The following CYP3A5 variants were observed in gnomAD, a reference collection of about 807,000 sequenced individuals.
CYP3A5 encodes cytochrome P450 family 3 subfamily A member 5.
CYP3A5 carries 51 observed loss-of-function variants against 55.9 expected under a neutral mutation model. The ratio of observed to expected loss-of-function variants is 0.91; its 90% CI spans 0.73 to 1.15. The LOEUF is 1.15. Ranked by LOEUF, CYP3A5 falls within the 50% of genes most tolerant of loss-of-function variation. The pLI, the probability that CYP3A5 is intolerant of heterozygous loss-of-function variation, is 0.00. For missense variants in CYP3A5, 533 were observed against 596.6 expected (o/e 0.89, Z 1.11); for synonymous variants, 196 against 213.9 (o/e 0.92, Z 0.73).
rs55817950 is a variant in CYP3A5 at position 99,676,198 on chromosome 7, G to A, written c.82C>T (p.Arg28Cys). ...AGTCTCTTAAAAAGTCCATGTGTAC[G>A]GGTCCCATATCTACAAAGTGAAACA... ...SLVLLYLYGT[R>C]THGLFKRLGI... The change falls in exon 2 of 13, where the codon CGT becomes TGT. Residue 28 changes from arginine to cysteine, a missense_variant. Physicochemically the swap from Arg to Cys is radical, Grantham distance 180 (BLOSUM62 -3). Transcript: ENST00000222982. The A allele has an allele frequency of 2.4e-5, 39 of 1,613,610 alleles. No individual in the cohort carries two copies. The highest frequency in any genetic ancestry group is 1.3e-4 in the African/African-American group (10 of 75,016).
chr7:99,670,468 A>T (rs1019388596), intron 4 of CYP3A5, among the ~76,000 whole-genome samples: 1 of 152,236 alleles, frequency 6.6e-6, no homozygotes, highest in South Asian at 2.1e-4. Flanking sequence ...AATTTGATAC[A>T]GGAATTTGAA....
At chr7:99,648,912 A>G (rs1294535116) in intron 12 of CYP3A5, among the ~76,000 whole-genome samples, 1 of 152,144 alleles carries the variant, frequency 6.6e-6, no homozygotes, top group Non-Finnish European at 1.5e-5. Flanking sequence ...ATGTCTTCAG[A>G]AAGAATTATT....
At chr7:99,672,511 G>T in intron 4 of CYP3A5, 69 bp downstream of exon 4, 1 of 1,368,012 alleles carries the variant, frequency 7.3e-7, no homozygotes, top group Non-Finnish European at 1.0e-6. Flanking sequence ...GTGAATATAT[G>T]TTTTTTTCAA....
intron 12 of CYP3A5, 104 bp from the exon 13 acceptor site, chr7:99,648,504 T>G: frequency 1.9e-6 from 1 of 513,626 alleles, no homozygotes; most frequent in African/African-American, 2.0e-5. Context: ...TGCAAGCATA[T>G]AAAAACGACT....
At chr7:99,669,334 A>G (rs1403010911) in intron 4 of CYP3A5, among the ~76,000 whole-genome samples, 1 of 152,216 alleles carries the variant, frequency 6.6e-6, no homozygotes, top group Non-Finnish European at 1.5e-5. Context: ...AAATAGCAGA[A>G]CTGAAAAAAA....
Position 99,652,721 on chromosome 7 carries a change from T to C in CYP3A5, c.1085A>G (p.Glu362Gly), listed in dbSNP as rs1245832664. ...QMEYLDMVVN[E>G]TLRLFPVAIR... Reference sequence around the variant, plus strand: ...AGCAACTGGGAATAATCTGAGTGTTTCATTCACCACCATGTCAAGGTACTC... The same window carrying C: ...AGCAACTGGGAATAATCTGAGTGTTCCATTCACCACCATGTCAAGGTACTC... The change falls in exon 11 of 13, where the codon GAA becomes GGA. Residue 362 changes from glutamate (E) to glycine (G), a missense_variant. Transcript: ENST00000222982. 9.9e-6 allele frequency: 16 copies of C among 1,614,170 alleles called. No individual in the cohort carries two copies. The highest frequency in any genetic ancestry group is 1.4e-5 in the Non-Finnish European group (16 of 1,180,018).
intron 1 of CYP3A5, among the ~76,000 whole-genome samples, chr7:99,678,568 G>A (rs180992986): frequency 1.3e-5 from 2 of 152,312 alleles, no homozygotes; most frequent in African/African-American, 4.8e-5. Flanking sequence ...TTCAGGAAAG[G>A]TGACATTATT....
At chr7:99,676,036 A>G in intron 2 of CYP3A5, 79 bp downstream of exon 2, 1 of 1,243,356 alleles carries the variant, frequency 8.0e-7, no homozygotes, top group African/African-American at 1.5e-5. Context: ...CTCCCTCCCA[A>G]GGAGGGGCAT....
chr7:99,657,727 T>C (rs944704167), intron 10 of CYP3A5, among the ~76,000 whole-genome samples: 1 of 152,222 alleles, frequency 6.6e-6, no homozygotes, highest in Non-Finnish European at 1.5e-5. Context: ...TAACTCTCTT[T>C]GTAAGTCTCT....
intron 10 of CYP3A5, among the ~76,000 whole-genome samples, chr7:99,656,662 G>A (rs921992339): frequency 6.6e-6 from 1 of 152,288 alleles, no homozygotes; most frequent in East Asian, 1.9e-4. Flanking sequence ...AATGGTACCA[G>A]GTCCTCCTTG....
chr7:99,666,939 C>T lies in CYP3A5; in HGVS notation c.432+13G>A, dbSNP rs1280482560. ...CTTTACATTTCTAATTAAGACTCAT[C>T]TTATTTTCATACCTCCTTGAGTTTT... On this transcript the variant is annotated intron_variant, in intron 5 of 12. Coordinates refer to ENST00000222982, the MANE Select transcript of CYP3A5 (RefSeq NM_000777.5). The T allele has an allele frequency of 5.0e-6, 8 of 1,612,160 alleles. No individual in the cohort carries two copies. In the South Asian group the frequency reaches 8.8e-5, roughly 18 times the overall value.
chr7:99,655,426 C>G (rs566065584), intron 10 of CYP3A5, among the ~76,000 whole-genome samples: 6 of 152,264 alleles, frequency 3.9e-5, no homozygotes, highest in Admixed American at 2.0e-4. Flanking sequence ...CTGTTCTGCT[C>G]CATTGATCAA....
intron 4 of CYP3A5, chr7:99,671,115 ATT>A (rs1402138328): frequency 8.7e-6 from 1 of 115,544 alleles, no homozygotes; most frequent in East Asian, 2.6e-4. Context: ...TACACAGACC[ATT>A]TGTGTGTGTG....
intron 12 of CYP3A5, among the ~76,000 whole-genome samples, chr7:99,649,855 T>A (rs942285686): frequency 6.6e-6 from 1 of 152,072 alleles, no homozygotes; most frequent in African/African-American, 2.4e-5. Flanking sequence ...CTACACATAA[T>A]CATGTCATGC....
rs1230874309 is a variant in CYP3A5 at position 99,653,937 on chromosome 7, G to C, written c.1027-1158C>G. Among the ~76,000 whole-genome samples the C allele has an allele frequency of 6.6e-6, 1 of 152,192 alleles. No homozygotes were observed. The highest frequency in any genetic ancestry group is 2.4e-5 in the African/African-American group (1 of 41,440). On this transcript the variant is annotated intron_variant, in intron 10 of 12. Coordinates refer to ENST00000222982, the MANE Select transcript of CYP3A5 (RefSeq NM_000777.5). This position sits in a 1 kb window ranked among gnomAD's most constrained non-coding sequence, Gnocchi z 4.2. Reference sequence around the variant, plus strand: ...CTGGAACATGAGACAGGTGTGGGGAGAGCTGAGTCAGCCTCCATCGCGCCC... The same window carrying C: ...CTGGAACATGAGACAGGTGTGGGGACAGCTGAGTCAGCCTCCATCGCGCCC...
chr7:99,656,548 T>G (rs1227084848), intron 10 of CYP3A5, among the ~76,000 whole-genome samples: 1 of 152,214 alleles, frequency 6.6e-6, no homozygotes, highest in African/African-American at 2.4e-5. Flanking sequence ...TTCTCTTTTT[T>G]GGTTGTGTCT....
intron 3 of CYP3A5, among the ~76,000 whole-genome samples, chr7:99,673,452 T>C (rs2151447892): frequency 1.3e-5 from 2 of 152,368 alleles, no homozygotes; most frequent in Middle Eastern, 6.8e-3. Context: ...GGTTTAATAA[T>C]ATTCAGCATC....
At chr7:99,672,107 A>G (rs1227759933) in intron 4 of CYP3A5, among the ~76,000 whole-genome samples, 1 of 152,050 alleles carries the variant, frequency 6.6e-6, no homozygotes, top group East Asian at 1.9e-4. Flanking sequence ...ACTGGAGTAT[A>G]ATGGCGTGAT....
rs540010188 is a variant in CYP3A5 at position 99,679,263 on chromosome 7, G to C, written c.71+563C>G. Among the ~76,000 whole-genome samples the C allele has an allele frequency of 2.5e-4, 38 of 152,256 alleles. 1 individual carries two copies. In the South Asian group the frequency reaches 7.7e-3, roughly 31 times the overall value. On this transcript the variant is annotated intron_variant, in intron 1 of 12. Transcript: ENST00000222982. ...GGCATGGCACAGGAAAGAGGGAAGA[G>C]CCAGGGGACAGCTTCCCATGAAGTC...
Sources: gnomAD v4.1 joint callset for allele counts (sites outside exome capture counted in the v4.1 genomes callset) on GRCh38, gnomAD v4.1.1 for gene constraint, Gnocchi (gnomAD v3.1) non-coding constraint, MANE v1.5 for transcripts, NCBI Gene and HGNC (gene_info 2026-07-23, HGNC 2026-07-21) for gene names.